SMARCA2: variants seen among roughly 807,000 people sequenced by gnomAD.
SMARCA2 encodes SWI/SNF related BAF chromatin remodeling complex subunit ATPase 2, also known as SWI/SNF-related matrix-associated actin-dependent regulator of chromatin subfamily A member 2.
Under a neutral mutation model 199.8 loss-of-function variants are expected in SMARCA2, and 61 were observed. That is an observed-to-expected ratio of 0.31 (90% CI 0.25 to 0.38). SMARCA2 has a LOEUF of 0.38. Among genes scored for constraint, SMARCA2 ranks in the 10% least tolerant of loss-of-function variants. The pLI, the probability that SMARCA2 is intolerant of heterozygous loss-of-function variation, is 1.00. For synonymous variants in SMARCA2, 935 were observed against 732.0 expected (o/e 1.28, Z -4.48); for missense variants, 1,344 against 2,012.2 (o/e 0.67, Z 6.35).
chr9:2,156,764 C>T (rs557885488), intron 27 of SMARCA2, among the ~76,000 whole-genome samples: 31 of 152,286 alleles, frequency 2.0e-4, no homozygotes, highest in African/African-American at 6.0e-4. Context: ...ATTTCAGTAA[C>T]ATGAAGTACA....
intron 22 of SMARCA2, among the ~76,000 whole-genome samples, chr9:2,102,112 T>G (rs1303120743): frequency 6.6e-6 from 1 of 151,272 alleles, no homozygotes; most frequent in Non-Finnish European, 1.5e-5. Flanking sequence ...ACAACAAAAA[T>G]GAACACTGCA....
intron 19 of SMARCA2, among the ~76,000 whole-genome samples, chr9:2,094,682 A>AC (rs1822196124): frequency 6.6e-6 from 1 of 152,164 alleles, no homozygotes; most frequent in Admixed American, 6.5e-5. Flanking sequence ...CTGTAGCTAA[A>AC]CCTCTGTGGT....
chr9:2,061,423 G>T (rs577066228), intron 9 of SMARCA2, among the ~76,000 whole-genome samples: 2 of 152,322 alleles, frequency 1.3e-5, no homozygotes, highest in East Asian at 3.9e-4. Flanking sequence ...TTGGACAGAT[G>T]GCAGTGCCAA....
intron 3 of SMARCA2, among the ~76,000 whole-genome samples, chr9:2,038,909 C>G (rs983539771): frequency 1.3e-5 from 2 of 152,164 alleles, no homozygotes; most frequent in African/African-American, 4.8e-5. Context: ...TCGCTCTTCA[C>G]CTAAGAAATT....
At chr9:2,073,467 T>C in intron 11 of SMARCA2, 99 bp from the exon 12 acceptor site, 1 of 1,479,412 alleles carries the variant, frequency 6.8e-7, no homozygotes, top group Non-Finnish European at 9.3e-7. Flanking sequence ...CTTGGATTTG[T>C]CTTTTATACA....
At chr9:2,102,471 A>G (rs952285209) in intron 22 of SMARCA2, among the ~76,000 whole-genome samples, 27 of 152,340 alleles carry the variant, frequency 1.8e-4, no homozygotes, top group Admixed American at 1.4e-3. Context: ...GAAATAACAT[A>G]TCCTGTGTCA....
At chr9:2,091,439 TA>T (rs1822059233) in intron 19 of SMARCA2, among the ~76,000 whole-genome samples, 1 of 152,262 alleles carries the variant, frequency 6.6e-6, no homozygotes, top group Non-Finnish European at 1.5e-5. Flanking sequence ...TTGTTGCATG[TA>T]TCAATAGTTG....
At chr9:2,057,232 C>T (rs1476769790) in intron 7 of SMARCA2, among the ~76,000 whole-genome samples, 2 of 152,188 alleles carry the variant, frequency 1.3e-5, no homozygotes, top group African/African-American at 4.8e-5. Context: ...TGAGGGTCTT[C>T]TTCTGGGTTG....
At chr9:2,072,001 A>G (rs1586673529) in intron 10 of SMARCA2, 1 of 152,292 alleles carries the variant, frequency 6.6e-6, no homozygotes, top group South Asian at 2.1e-4. Flanking sequence ...TTTGTGGATA[A>G]TTGCTAATAT....
At chr9:2,027,094 A>G (rs1299823695) in intron 1 of SMARCA2, among the ~76,000 whole-genome samples, 2 of 148,204 alleles carry the variant, frequency 1.3e-5, no homozygotes, top group African/African-American at 5.2e-5. Flanking sequence ...CACTTTAAGG[A>G]TTTCTTTATG....
chr9:2,192,754 T>C lies in SMARCA2; in HGVS notation c.*15T>C. ...ATGATGAGTGATCAGTATGGACCTT[T>C]TTCCTTGGTAGAACTGAATTCCTTC... On this transcript the variant is annotated 3_prime_UTR_variant, in exon 34 of 34. Coordinates refer to ENST00000349721, the MANE Select transcript of SMARCA2 (RefSeq NM_003070.5). 1 of 1,595,602 alleles carries C rather than the reference T, an allele frequency of 6.3e-7. No individual in the cohort carries two copies. The highest frequency in any genetic ancestry group is 8.6e-7 in the Non-Finnish European group (1 of 1,163,542).
intron 27 of SMARCA2, among the ~76,000 whole-genome samples, chr9:2,143,149 T>C (rs1487755247): frequency 6.6e-6 from 1 of 152,204 alleles, no homozygotes; most frequent in Non-Finnish European, 1.5e-5. Context: ...AATGGTATTT[T>C]AGCCTTTTCT....
Position 2,088,628 on chromosome 9 carries a change from C to G in SMARCA2, c.2883+15C>G. 1.3e-6 allele frequency: 2 copies of G among 1,546,666 alleles called. No homozygotes were observed. The highest frequency in any genetic ancestry group is 1.7e-6 in the Non-Finnish European group (2 of 1,142,928). Reference sequence around the variant, plus strand: ...TTCCCGAAAAAGTATGTTGCACAACCAAAAGTTGTGGGTTTTTTTTTTCCT... The same window carrying G: ...TTCCCGAAAAAGTATGTTGCACAACGAAAAGTTGTGGGTTTTTTTTTTCCT... On this transcript the variant is annotated intron_variant, in intron 19 of 33. Transcript: ENST00000349721.
Position 2,123,275 on chromosome 9 carries a change from C to T in SMARCA2, c.3763-444C>T, listed in dbSNP as rs374572661. Among the ~76,000 whole-genome samples the T allele has an allele frequency of 4.0e-5, 6 of 151,890 alleles. No individual in the cohort carries two copies. In the East Asian group the frequency reaches 7.7e-4, roughly 20 times the overall value. ...TTATTGCTGATTGTTTAGTTCAAAG[C>T]ACAAGCCCTATTGAATAAAAGGAAA... On this transcript the variant is annotated intron_variant, in intron 26 of 33. Transcript: ENST00000349721. This position sits in a 1 kb window ranked among gnomAD's most constrained non-coding sequence, Gnocchi z 4.1.
chr9:2,037,607 A>G (rs1471931500), intron 3 of SMARCA2, among the ~76,000 whole-genome samples: 2 of 152,170 alleles, frequency 1.3e-5, no homozygotes, highest in African/African-American at 4.8e-5. Context: ...GGTGGCGGTC[A>G]TATATTCTCC....
At chr9:2,071,976 C>G (rs1434628782) in intron 10 of SMARCA2, 3 of 152,126 alleles carry the variant, frequency 2.0e-5, no homozygotes, top group Admixed American at 2.0e-4. Flanking sequence ...AGCCTTTTCT[C>G]TTTTTAAGGT....
At chr9:2,179,571 T>G (rs1191525320) in intron 29 of SMARCA2, among the ~76,000 whole-genome samples, 1 of 152,252 alleles carries the variant, frequency 6.6e-6, no homozygotes, top group Non-Finnish European at 1.5e-5. Context: ...AGGGTCTTAC[T>G]GAAGACAGAG....
intron 27 of SMARCA2, among the ~76,000 whole-genome samples, chr9:2,133,697 T>A (rs1174058340): frequency 6.6e-6 from 1 of 151,746 alleles, no homozygotes; most frequent in African/African-American, 2.4e-5. Flanking sequence ...ATTTTCTTAA[T>A]AAAGAAATGT....
At chr9:2,183,261 A>G (rs555740471) in intron 31 of SMARCA2, among the ~76,000 whole-genome samples, 12 of 152,344 alleles carry the variant, frequency 7.9e-5, no homozygotes, top group African/African-American at 2.9e-4. Context: ...AGAATTTAAG[A>G]CAAAACAAAC....
Sources: gnomAD v4.1 joint callset for allele counts (sites outside exome capture counted in the v4.1 genomes callset) on GRCh38, gnomAD v4.1.1 for gene constraint, Gnocchi (gnomAD v3.1) non-coding constraint, MANE v1.5 for transcripts, NCBI Gene and HGNC (gene_info 2026-07-23, HGNC 2026-07-21) for gene names.